Variants in RGS7 observed in about 807,000 individuals in gnomAD.
RGS7 encodes the protein regulator of G protein signaling 7.
A neutral mutation model predicts 81.1 loss-of-function variants in RGS7; 27 were observed. That is an observed-to-expected ratio of 0.33 (90% CI 0.25 to 0.46). RGS7 has a LOEUF of 0.46. RGS7 is among the 20% of genes least tolerant of loss of function. The pLI is 1.00. For synonymous variants in RGS7, 208 were observed against 207.7 expected (o/e 1.00, Z -0.01); for missense variants, 396 against 607.4 (o/e 0.65, Z 3.66).
chr1:240,873,389 G>A (rs261821), intron 6 of RGS7, among the ~76,000 whole-genome samples: 52,547 of 151,964 alleles, frequency 0.35, 9,701 homozygotes, highest in African/African-American at 0.47. Flanking sequence ...GAGATCATCA[G>A]GAGACAATTT....
intron 6 of RGS7, among the ~76,000 whole-genome samples, chr1:240,914,069 C>T (rs261791): frequency 0.67 from 84,896 of 127,372 alleles, 28,324 homozygotes; most frequent in African/African-American, 0.76. Flanking sequence ...CCCCTCCCCC[C>T]ACCCCACAAC....
chr1:240,982,134 A>C (rs992210919), intron 4 of RGS7, among the ~76,000 whole-genome samples: 16 of 151,906 alleles, frequency 1.1e-4, no homozygotes, highest in Non-Finnish European at 1.9e-4. Context: ...AAAGCCACTA[A>C]ATGTAGCTGG....
intron 2 of RGS7, among the ~76,000 whole-genome samples, chr1:241,264,736 C>T (rs1287688887): frequency 5.9e-5 from 9 of 152,090 alleles, no homozygotes; most frequent in Non-Finnish European, 1.2e-4. Flanking sequence ...GACTCTGCCC[C>T]ATGATGCAGT....
intron 2 of RGS7, among the ~76,000 whole-genome samples, chr1:241,326,994 A>G (rs896099506): frequency 2.5e-5 from 1 of 40,214 alleles, no homozygotes; most frequent in Non-Finnish European, 4.6e-5. Context: ...AAAGGCAGGA[A>G]GAAGGAAGGA....
chr1:240,871,177 C>T (rs1177144935), intron 6 of RGS7, among the ~76,000 whole-genome samples: 1 of 152,154 alleles, frequency 6.6e-6, no homozygotes, highest in Non-Finnish European at 1.5e-5. Flanking sequence ...ACTAAATATG[C>T]ATGATATTTG....
At chr1:241,247,891 G>T (rs1450977125) in intron 2 of RGS7, among the ~76,000 whole-genome samples, 1 of 152,156 alleles carries the variant, frequency 6.6e-6, no homozygotes, top group Non-Finnish European at 1.5e-5. Context: ...CATAAAATGA[G>T]TATGTAATCT....
In RGS7 at chr1:240,820,636, G is replaced by A. The variant is rs531202267; in HGVS notation, c.685-4221C>T. On this transcript the variant is annotated intron_variant, in intron 10 of 18. Coordinates refer to ENST00000440928, the MANE Select transcript of RGS7 (RefSeq NM_001364886.1). ...AATGGGATTAGTGCCCTTATAAAGA[G>A]GCCTGAGGGAGCTCGTTTGCCGATT... Among the ~76,000 whole-genome samples, 3 of 152,238 alleles carry A rather than the reference G, an allele frequency of 2.0e-5. No individual in the cohort carries two copies. The South Asian group carries it at 6.2e-4, about 32-fold the overall frequency.
rs147689552 is a variant in RGS7 at position 241,128,495 on chromosome 1, G to A, written c.79-29733C>T. 7.5e-4 allele frequency among the ~76,000 whole-genome samples: 114 copies of A among 151,388 alleles called. 1 individual carries two copies. Among genetic ancestry groups the A allele is most frequent in the East Asian group, 5.3e-3 (27 of 5,112 alleles). On this transcript the variant is annotated intron_variant, in intron 2 of 18. Transcript: ENST00000440928. ...CTAGCTACCAGGGAGGCTGAGGCTC[G>A]AGAAACGCTTGAACCCGGGGCGGAG...
intron 2 of RGS7, among the ~76,000 whole-genome samples, chr1:241,246,496 G>T (rs767293323): frequency 1.3e-5 from 2 of 152,122 alleles, no homozygotes; most frequent in Non-Finnish European, 1.5e-5. Context: ...ATCCATTCCA[G>T]TACTAATACG....
intron 2 of RGS7, among the ~76,000 whole-genome samples, chr1:241,206,416 G>A (rs887876320): frequency 3.6e-4 from 54 of 151,466 alleles, no homozygotes; most frequent in African/African-American, 1.2e-3. Flanking sequence ...GTAAAGATGG[G>A]GTTTCACCAT....
At chr1:241,215,360 T>C (rs1422268229) in intron 2 of RGS7, among the ~76,000 whole-genome samples, 1 of 152,202 alleles carries the variant, frequency 6.6e-6, no homozygotes, top group East Asian at 1.9e-4. Flanking sequence ...ACGGGACTCA[T>C]ACTTCAAACG....
chr1:241,168,988 T>C (rs1475482100), intron 2 of RGS7, among the ~76,000 whole-genome samples: 1 of 152,160 alleles, frequency 6.6e-6, no homozygotes, highest in Non-Finnish European at 1.5e-5. Flanking sequence ...TGCCACCTGG[T>C]TGACATCTTC....
intron 3 of RGS7, among the ~76,000 whole-genome samples, chr1:241,067,323 C>T (rs1370525243): frequency 6.6e-6 from 1 of 151,876 alleles, no homozygotes; most frequent in Non-Finnish European, 1.5e-5. Context: ...GTATTCCATG[C>T]TCCTAGCCTG....
intron 6 of RGS7, among the ~76,000 whole-genome samples, chr1:240,923,165 A>G (rs1267747887): frequency 2.0e-5 from 3 of 152,086 alleles, no homozygotes; most frequent in Non-Finnish European, 4.4e-5. Flanking sequence ...GTGAAAAGAT[A>G]AGTGTGTGCC....
At chr1:240,826,542 C>T (rs573006938) in intron 10 of RGS7, among the ~76,000 whole-genome samples, 10 of 152,112 alleles carry the variant, frequency 6.6e-5, no homozygotes, top group African/African-American at 2.2e-4. Context: ...GTACATCAAG[C>T]GTGTTTTATA....
At chr1:240,870,927 A>G (rs1274251658) in intron 6 of RGS7, among the ~76,000 whole-genome samples, 2 of 152,206 alleles carry the variant, frequency 1.3e-5, no homozygotes, top group East Asian at 3.8e-4. Context: ...GGAGAAGGGT[A>G]TCACATCTTA....
chr1:241,081,868 C>T (rs1319100982), intron 3 of RGS7, among the ~76,000 whole-genome samples: 1 of 152,120 alleles, frequency 6.6e-6, no homozygotes. Context: ...CTGCTTTTGG[C>T]CACACAGCAA....
intron 2 of RGS7, among the ~76,000 whole-genome samples, chr1:241,345,622 G>T (rs150703658): frequency 1.3e-5 from 2 of 152,252 alleles, no homozygotes; most frequent in East Asian, 3.9e-4. Flanking sequence ...AAGATACATT[G>T]AATTAGAGAC....
chr1:240,907,621 T>C (rs559548814), intron 6 of RGS7, among the ~76,000 whole-genome samples: 19 of 152,318 alleles, frequency 1.2e-4, no homozygotes, highest in African/African-American at 4.6e-4. Context: ...CAACAAGGGA[T>C]GCAGCAGAGG....
Sources: gnomAD v4.1 joint callset for allele counts (sites outside exome capture counted in the v4.1 genomes callset) on GRCh38, gnomAD v4.1.1 for gene constraint, MANE v1.5 for transcripts, NCBI Gene and HGNC (gene_info 2026-07-23, HGNC 2026-07-21) for gene names.